The following KCNQ5 variants were observed in gnomAD, a reference collection of about 807,000 sequenced individuals.
KCNQ5 encodes the protein potassium voltage-gated channel subfamily KQT member 5.
Under a neutral mutation model 98.2 loss-of-function variants are expected in KCNQ5, and 30 were observed. The ratio of observed to expected loss-of-function variants is 0.31; its 90% CI spans 0.23 to 0.41. The LOEUF is 0.41. Among genes scored for constraint, KCNQ5 ranks in the 10% least tolerant of loss-of-function variants. The pLI is 1.00. For synonymous variants in KCNQ5, 458 were observed against 449.4 expected, an observed-to-expected ratio of 1.02 and a Z score of -0.24; for missense variants, 835 against 1,182.5, an observed-to-expected ratio of 0.71 and a Z score of 4.31.
chr6:73,047,567 A>G (rs1772028148), intron 3 of KCNQ5, among the ~76,000 whole-genome samples: 1 of 152,248 alleles, frequency 6.6e-6, no homozygotes, highest in African/African-American at 2.4e-5. Flanking sequence ...ATATGGTTGG[A>G]CCACATGAAG....
At chr6:72,988,557 T>C (rs1167066331) in intron 1 of KCNQ5, among the ~76,000 whole-genome samples, 1 of 151,816 alleles carries the variant, frequency 6.6e-6, no homozygotes, top group East Asian at 1.9e-4. Context: ...CTGGGTACTG[T>C]GATGACTACC....
rs1776426859 is a variant in KCNQ5, at chr6:73,135,422, G to T, written c.1468+1781G>T. On this transcript the variant is annotated intron_variant, in intron 10 of 13. Transcript: ENST00000370398. ...GATTTTCTTTTTTAAAAAAAAAAAA[G>T]CCCTCAGTTTAGAAAAACAAAATGT... The T allele has an allele frequency of 5.5e-5, 8 of 146,368 alleles. No individual in the cohort carries two copies. The South Asian group carries it at 1.7e-3, about 31-fold the overall frequency. The allele number at this position is 146,368 out of a possible 1,614,324, so 9.1% of individuals were successfully genotyped here. A position where few individuals can be genotyped will look rare whatever the true frequency, so the allele number is the denominator to read the frequency against.
intron 1 of KCNQ5, chr6:72,987,665 G>A (rs1768858758): frequency 1.6e-6 from 1 of 616,018 alleles, no homozygotes; most frequent in African/African-American, 1.9e-5. Flanking sequence ...TACAGCCGCG[G>A]AGCCCGTCTC....
chr6:73,059,700 A>G lies in KCNQ5; in HGVS notation c.617-17622A>G, dbSNP rs568038471. ...TTTCTGCTTTTTCTGTTTTTCTATG[A>G]AAATTTTTTTAACAAGCAGAAGTTA... is the stretch of plus-strand genomic sequence containing the variant. On this transcript the variant is annotated intron_variant, in intron 3 of 13. Coordinates refer to ENST00000370398, the MANE Select transcript of KCNQ5 (RefSeq NM_019842.4). Among the ~76,000 whole-genome samples, 5 of 152,202 alleles carry G rather than the reference A, an allele frequency of 3.3e-5. No homozygotes were observed. In the South Asian group the frequency reaches 1.0e-3, roughly 32 times the overall value.
At chr6:72,836,604 A>G (rs1776514157) in intron 1 of KCNQ5, among the ~76,000 whole-genome samples, 1 of 151,772 alleles carries the variant, frequency 6.6e-6, no homozygotes, top group African/African-American at 2.4e-5. Context: ...ACACTCTGCT[A>G]ATTTTTTTTT....
intron 1 of KCNQ5, among the ~76,000 whole-genome samples, chr6:72,656,877 C>T (rs1232824155): frequency 1.3e-5 from 2 of 152,090 alleles, no homozygotes; most frequent in Non-Finnish European, 2.9e-5. Flanking sequence ...TTTTATTGTA[C>T]AACACCATTT....
chr6:72,779,552 A>C (rs1773343998), intron 1 of KCNQ5, among the ~76,000 whole-genome samples: 1 of 152,114 alleles, frequency 6.6e-6, no homozygotes, highest in African/African-American at 2.4e-5. Flanking sequence ...CTAGGAGAGC[A>C]GTGAGTATTT....
intron 1 of KCNQ5, among the ~76,000 whole-genome samples, chr6:72,985,304 T>G (rs1030313349): frequency 6.6e-6 from 1 of 152,244 alleles, no homozygotes; most frequent in Non-Finnish European, 1.5e-5. Flanking sequence ...TTACTCTGTG[T>G]TTTTAAATAT....
chr6:73,139,733 TA>T (rs1191409820), intron 10 of KCNQ5, among the ~76,000 whole-genome samples: 1 of 152,126 alleles, frequency 6.6e-6, no homozygotes, highest in Non-Finnish European at 1.5e-5. Context: ...TTCAATCATA[TA>T]ATCCTTCCTC....
chr6:72,656,838 A>G (rs1766220807), intron 1 of KCNQ5, among the ~76,000 whole-genome samples: 1 of 152,168 alleles, frequency 6.6e-6, no homozygotes, highest in Admixed American at 6.6e-5. Context: ...TCTGGGATGC[A>G]TTAGACTCTG....
chr6:73,019,905 T>C (rs1770513354), intron 2 of KCNQ5, among the ~76,000 whole-genome samples: 2 of 152,210 alleles, frequency 1.3e-5, no homozygotes, highest in African/African-American at 4.8e-5. Context: ...AACATTGGGA[T>C]CATTCTGTCT....
intron 1 of KCNQ5, among the ~76,000 whole-genome samples, chr6:72,652,723 C>T (rs774537076): frequency 6.6e-6 from 1 of 151,962 alleles, no homozygotes; most frequent in Non-Finnish European, 1.5e-5. Flanking sequence ...GAGCTGTATT[C>T]CTGTATCCTG....
chr6:73,086,599 ATT>A (rs1401235366), intron 5 of KCNQ5, among the ~76,000 whole-genome samples: 5 of 152,218 alleles, frequency 3.3e-5, no homozygotes, highest in Middle Eastern at 3.4e-3. Flanking sequence ...TCTTCAAAGT[ATT>A]ATTCATTTAT....
rs150419356 is a variant in KCNQ5, at chr6:72,726,903, G to A, written c.398+104316G>A. 1.1e-3 allele frequency among the ~76,000 whole-genome samples: 166 copies of A among 152,212 alleles called. 1 individual carries two copies. The highest frequency in any genetic ancestry group is 3.6e-3 in the African/African-American group (151 of 41,536). On this transcript the variant is annotated intron_variant, in intron 1 of 13. Transcript: ENST00000370398. Reference sequence around the variant, plus strand: ...GTCACCCAGGTTGCAGCGCAGTGGCGTGATCAAAGCTCACTGCAGCCTTAA... The same window carrying A: ...GTCACCCAGGTTGCAGCGCAGTGGCATGATCAAAGCTCACTGCAGCCTTAA...
At chr6:73,111,541 TACAGTCTTGGATTTGG>T (rs1775240985) in intron 7 of KCNQ5, 138 bp downstream of exon 7, 3 of 662,524 alleles carry the variant, frequency 4.5e-6, no homozygotes, top group East Asian at 2.6e-5. Flanking sequence ...GAACTTAATG[TACAGTCTTGGATTTGG>T]ACAGTCTTGG....
chr6:73,035,203 T>C (rs1771358605), intron 2 of KCNQ5, among the ~76,000 whole-genome samples: 1 of 152,176 alleles, frequency 6.6e-6, no homozygotes, highest in South Asian at 2.1e-4. Flanking sequence ...AGAAAATTCT[T>C]CTATGTTTTA....
chr6:72,643,140 G>GA (rs577156969), intron 1 of KCNQ5, among the ~76,000 whole-genome samples: 61 of 152,112 alleles, frequency 4.0e-4, no homozygotes, highest in African/African-American at 1.4e-3. Context: ...GAGAGGAACA[G>GA]AAAAAATAAC....
chr6:72,987,147 G>A (rs960785405), intron 1 of KCNQ5: 15 of 661,760 alleles, frequency 2.3e-5, no homozygotes, highest in East Asian at 1.4e-4. Context: ...TAAGGCCCCC[G>A]AGAAGAAAAA....
chr6:72,902,514 C>T (rs964493370), intron 1 of KCNQ5, among the ~76,000 whole-genome samples: 4 of 152,062 alleles, frequency 2.6e-5, no homozygotes, highest in African/African-American at 9.7e-5. Flanking sequence ...GAAGTATGTC[C>T]TGTATGTGCC....
Sources: gnomAD v4.1 joint callset for allele counts (sites outside exome capture counted in the v4.1 genomes callset) on GRCh38, gnomAD v4.1.1 for gene constraint, MANE v1.5 for transcripts, NCBI Gene and HGNC (gene_info 2026-07-23, HGNC 2026-07-21) for gene names.